FNIP2: variants seen among roughly 807,000 people sequenced by gnomAD.
FNIP2 encodes the protein folliculin interacting protein 2, also known as folliculin-interacting protein 2.
In FNIP2, 32 loss-of-function variants were observed where a neutral mutation model predicts 108.7. The ratio of observed to expected loss-of-function variants is 0.29; its 90% CI spans 0.22 to 0.40. The LOEUF is 0.40. Among genes scored for constraint, FNIP2 ranks in the 10% least tolerant of loss-of-function variants. FNIP2 has a pLI of 1.00. For synonymous variants in FNIP2, 480 were observed against 496.7 expected (o/e 0.97, Z 0.45); for missense variants, 1,202 against 1,381.6 (o/e 0.87, Z 2.06).
chr4:158,866,883 C>T (rs554993278), intron 12 of FNIP2, among the ~76,000 whole-genome samples: 1 of 152,250 alleles, frequency 6.6e-6, no homozygotes, highest in South Asian at 2.1e-4. Context: ...AGCTGAGATA[C>T]ATCTTTAGGG....
Position 158,899,207 on chromosome 4 carries a change from C to T in FNIP2, c.3266+3342C>T, listed in dbSNP as rs547722983. ...ATCCCAGGGATGAAGCCAGCTGGAT[C>T]GTGGTGGATAAGCTTTTTGATGTGC... On this transcript the variant is annotated intron_variant, in intron 16 of 16. Transcript: ENST00000264433. Among the ~76,000 whole-genome samples the T allele has an allele frequency of 7.9e-4, 121 of 152,216 alleles. 1 individual carries two copies. The highest frequency in any genetic ancestry group is 2.7e-3 in the African/African-American group (114 of 41,528).
chr4:158,769,324 G>T lies in FNIP2; in HGVS notation c.107+5G>T. The T allele has an allele frequency of 6.8e-7, 1 of 1,476,626 alleles. No individual in the cohort carries two copies. Among genetic ancestry groups the T allele is most frequent in the Non-Finnish European group, 9.0e-7 (1 of 1,112,450 alleles). The allele number at this position is 1,476,626 out of a possible 1,614,324, so 91.5% of individuals were successfully genotyped here. On this transcript the variant is annotated splice_donor_5th_base_variant and intron_variant, in intron 1 of 16. Coordinates refer to ENST00000264433, the MANE Select transcript of FNIP2 (RefSeq NM_020840.3). ...TAAGGAAGGACCCGCCTTTAGGTGA[G>T]GGGGCGCCGGGGGGCAATTCTGGCG...
intron 10 of FNIP2, 116 bp from the exon 11 acceptor site, chr4:158,861,226 G>A (rs901352154): frequency 1.6e-6 from 2 of 1,231,084 alleles, no homozygotes; most frequent in African/African-American, 3.0e-5. Context: ...TGTGGAGCTT[G>A]AATCTTTTAA....
intron 14 of FNIP2, chr4:158,872,294 G>A (rs1454346136): frequency 2.0e-6 from 2 of 985,226 alleles, no homozygotes; most frequent in African/African-American, 1.7e-5. Flanking sequence ...CCATAGGCTG[G>A]CAAGTTCTCA....
At chr4:158,881,405 ACGGTCTCCCTCTCCCTCTCTTTCC>A (rs1781605854) in intron 14 of FNIP2, among the ~76,000 whole-genome samples, 1 of 8,570 alleles carries the variant, frequency 1.2e-4, no homozygotes, top group Non-Finnish European at 2.4e-4. Context: ...CTCTCTTTCC[ACGGTCTCCCTCTCCCTCTCTTTCC>A]ACGGTCTCCC....
Position 158,881,547 on chromosome 4 carries a change from CCT to C in FNIP2, c.2950-9898_2950-9897del, listed in dbSNP as rs1443421163. Among the ~76,000 whole-genome samples the C allele has an allele frequency of 0.01, 157 of 15,192 alleles. 5 individuals are homozygous for C. In the East Asian group the frequency reaches 0.47, roughly 46 times the overall value. 10.0% of individuals were successfully genotyped at this position (15,192 alleles called of 152,430 possible). A position where few individuals can be genotyped will look rare whatever the true frequency, so the allele number is the denominator to read the frequency against. Reference sequence around the variant, plus strand: ...TGCCATCTCCGCTCACTGCAAGCTCCCTGCCTGATTCTCCTGCCTCAGCCTGC... The same window carrying C: ...TGCCATCTCCGCTCACTGCAAGCTCCGCCTGATTCTCCTGCCTCAGCCTGC... On this transcript the variant is annotated intron_variant, in intron 14 of 16. Coordinates refer to ENST00000264433, the MANE Select transcript of FNIP2 (RefSeq NM_020840.3).
chr4:158,784,658 C>A (rs1451636074), intron 1 of FNIP2, among the ~76,000 whole-genome samples: 1 of 152,114 alleles, frequency 6.6e-6, no homozygotes, highest in African/African-American at 2.4e-5. Context: ...CAGCCTAGCT[C>A]CCTCGCGTGC....
At position 158,904,662 on chromosome 4, in the gene FNIP2, T is replaced by C. The variant is rs1729672568; in HGVS notation, c.*118T>C. On this transcript the variant is annotated 3_prime_UTR_variant, in exon 17 of 17. Transcript: ENST00000264433. ...GAGAAGAGCAAACAGAAACAGTCAT[T>C]CCACCTTTTTGTTTTGTGTTTTTGC... The C allele has an allele frequency of 2.3e-6, 2 of 886,466 alleles. No homozygotes were observed. Among genetic ancestry groups the C allele is most frequent in the Non-Finnish European group, 3.5e-6 (2 of 566,842 alleles). The allele number at this position is 886,466 out of a possible 1,614,324, so 54.9% of individuals were successfully genotyped here. A position where few individuals can be genotyped will look rare whatever the true frequency, so the allele number is the denominator to read the frequency against.
intron 1 of FNIP2, among the ~76,000 whole-genome samples, chr4:158,806,957 A>G (rs1560766234): frequency 6.6e-6 from 1 of 152,206 alleles, no homozygotes; most frequent in Non-Finnish European, 1.5e-5. Flanking sequence ...GAGCTTGTCT[A>G]AAAAGAATAG....
At chr4:158,771,173 G>T (rs371972122) in intron 1 of FNIP2, among the ~76,000 whole-genome samples, 1 of 152,288 alleles carries the variant, frequency 6.6e-6, no homozygotes. Flanking sequence ...TGTTTTTGGA[G>T]AATTTGGGGA....
At chr4:158,853,925 G>A (rs577230513) in intron 8 of FNIP2, among the ~76,000 whole-genome samples, 3 of 152,262 alleles carry the variant, frequency 2.0e-5, no homozygotes, top group Admixed American at 2.0e-4. Flanking sequence ...GCCTGTTTAT[G>A]CATTCTATCA....
intron 1 of FNIP2, among the ~76,000 whole-genome samples, chr4:158,822,015 G>T (rs985494787): frequency 6.6e-6 from 1 of 152,006 alleles, no homozygotes; most frequent in East Asian, 1.9e-4. Flanking sequence ...TCTTGAGCAG[G>T]AGGTTGAGGC....
At position 158,870,364 on chromosome 4, in the gene FNIP2, G is replaced by C; in HGVS notation, c.2844G>C (p.Leu948=). The C allele has an allele frequency of 6.2e-7, 1 of 1,614,032 alleles. No homozygotes were observed. The highest frequency in any genetic ancestry group is 8.5e-7 in the Non-Finnish European group (1 of 1,179,890). The change falls in exon 14 of 17, where the codon CTG becomes CTC. Residue 948 remains leucine (L), a synonymous_variant. Coordinates refer to ENST00000264433, the MANE Select transcript of FNIP2 (RefSeq NM_020840.3). ...QNVRNFGRSL[L]AGYCPTYMPD... ...TAAGGAACTTTGGCCGCTCACTTCT[G>C]GCGGGCTACTGCCCCACATACATGC...
At chr4:158,770,614 A>G (rs1775665502) in intron 1 of FNIP2, among the ~76,000 whole-genome samples, 1 of 152,136 alleles carries the variant, frequency 6.6e-6, no homozygotes, top group African/African-American at 2.4e-5. Context: ...AAACTCCCCA[A>G]GTTAAATTCT....
At chr4:158,869,807 C>T (rs1780829228) in intron 13 of FNIP2, among the ~76,000 whole-genome samples, 1 of 152,242 alleles carries the variant, frequency 6.6e-6, no homozygotes, top group African/African-American at 2.4e-5. Flanking sequence ...TGGTGGATTA[C>T]ACTCGCCGTG....
At chr4:158,890,384 C>G in intron 14 of FNIP2, 1 of 983,472 alleles carries the variant, frequency 1.0e-6, no homozygotes, top group Non-Finnish European at 1.2e-6. Flanking sequence ...AAATGTTGGT[C>G]CGCACGAAGT....
At chr4:158,775,810 C>G (rs1161289497) in intron 1 of FNIP2, among the ~76,000 whole-genome samples, 1 of 152,062 alleles carries the variant, frequency 6.6e-6, no homozygotes, top group Non-Finnish European at 1.5e-5. Flanking sequence ...TAGCAGAGTA[C>G]TCTTTCTGTT....
intron 8 of FNIP2, among the ~76,000 whole-genome samples, chr4:158,855,891 G>A (rs1399426858): frequency 6.6e-6 from 1 of 152,190 alleles, no homozygotes; most frequent in African/African-American, 2.4e-5. Flanking sequence ...GAAAATTCAT[G>A]GTAATTAAAA....
intron 2 of FNIP2, among the ~76,000 whole-genome samples, chr4:158,828,227 C>T (rs1056684814): frequency 6.6e-6 from 1 of 152,118 alleles, no homozygotes; most frequent in Non-Finnish European, 1.5e-5. Context: ...CACAGTAGCT[C>T]CTGTTTCAGG....
Sources: allele counts gnomAD v4.1 joint callset (sites outside exome capture counted in the v4.1 genomes callset), GRCh38; gene constraint gnomAD v4.1.1; transcripts MANE v1.5; gene names NCBI Gene and HGNC (gene_info 2026-07-23, HGNC 2026-07-21).